COQ3: variants seen among roughly 807,000 people sequenced by gnomAD.
COQ3 encodes the protein ubiquinone biosynthesis O-methyltransferase, mitochondrial.
Under a neutral mutation model 33.1 loss-of-function variants are expected in COQ3, and 29 were observed. The ratio of observed to expected loss-of-function variants is 0.88; its 90% CI spans 0.65 to 1.19. The LOEUF (loss-of-function observed/expected upper bound fraction) is 1.19. Among genes scored for constraint, COQ3 ranks in the 50% most tolerant of loss-of-function variants. COQ3 has a pLI of 0.00. For missense variants in COQ3, 437 were observed against 430.7 expected (o/e 1.01, Z -0.13); for synonymous variants, 173 against 157.8 (o/e 1.10, Z -0.72).
rs1774557211 is a variant in COQ3 at position 99,384,351 on chromosome 6, T to C, written c.107-527A>G. Among the ~76,000 whole-genome samples, 6 of 152,354 alleles carry C rather than the reference T, an allele frequency of 3.9e-5. No individual in the cohort carries two copies. In the South Asian group the frequency reaches 1.2e-3, roughly 32 times the overall value. ...TCTAACCCAGACATTTCTAAAATTG[T>C]AATTAGCCAAAACAAGTAATGCATC... On this transcript the variant is annotated intron_variant, in intron 1 of 6. Transcript: ENST00000254759.
chr6:99,370,092 A>T (rs189368360), intron 6 of COQ3, among the ~76,000 whole-genome samples: 141 of 152,304 alleles, frequency 9.3e-4, no homozygotes, highest in African/African-American at 3.3e-3. Context: ...GGTACCTATT[A>T]CATGGTGACC....
chr6:99,388,826 T>C (rs1330375895), intron 1 of COQ3, among the ~76,000 whole-genome samples: 2 of 151,130 alleles, frequency 1.3e-5, no homozygotes, highest in African/African-American at 4.9e-5. Flanking sequence ...CCAGTATGGG[T>C]GACAAGAGCG....
intron 1 of COQ3, among the ~76,000 whole-genome samples, chr6:99,385,976 CAAAAA>C (rs61403627): frequency 1.0e-5 from 1 of 97,744 alleles, no homozygotes; most frequent in Non-Finnish European, 1.9e-5. Flanking sequence ...GACTCTGTCT[CAAAAA>C]AAAAAAAAAA....
Position 99,376,022 on chromosome 6 carries a change from A to G in COQ3, c.647T>C (p.Phe216Ser). ...AACTTCAGAAGCTACAACAGCATCA[A>G]ATGTTTCTGCAGTCTCTTCCACAAT... The part of the protein sequence containing the change: ...EEIVEETAET[F>S]DAVVASEVVE... Residue 216 changes from phenylalanine to serine, a missense_variant, in exon 5 of 7, where the codon TTT becomes TCT. Transcript: ENST00000254759. The G allele has an allele frequency of 1.2e-6, 2 of 1,614,098 alleles. No homozygotes were observed. The highest frequency in any genetic ancestry group is 1.7e-6 in the Non-Finnish European group (2 of 1,179,942).
chr6:99,391,725 C>A (rs35208690), intron 1 of COQ3, among the ~76,000 whole-genome samples: 19,866 of 152,216 alleles, frequency 0.13, 1,861 homozygotes, highest in Non-Finnish European at 0.18. Flanking sequence ...AGGCCAGACG[C>A]AGTGGCTCAA....
Position 99,383,682 on chromosome 6 carries a change from G to T in COQ3, c.233+16C>A. The T allele has an allele frequency of 6.4e-7, 1 of 1,551,294 alleles. No individual in the cohort carries two copies. Among genetic ancestry groups the T allele is most frequent in the Non-Finnish European group, 8.7e-7 (1 of 1,153,086 alleles). ...TATAATTACGTGAATATTTGCCACAGTAATAATAAACCCACCTGAAACTCT... is the reference window on the plus strand; with the variant it reads ...TATAATTACGTGAATATTTGCCACATTAATAATAAACCCACCTGAAACTCT... On this transcript the variant is annotated intron_variant, in intron 2 of 6. Transcript: ENST00000254759.
At chr6:99,391,026 A>G (rs1036429884) in intron 1 of COQ3, among the ~76,000 whole-genome samples, 2 of 152,070 alleles carry the variant, frequency 1.3e-5, no homozygotes, top group Non-Finnish European at 2.9e-5. Context: ...TCCCAAACCC[A>G]TTACAATGTT....
intron 1 of COQ3, among the ~76,000 whole-genome samples, chr6:99,392,851 G>T (rs1774869155): frequency 6.6e-6 from 1 of 152,108 alleles, no homozygotes; most frequent in Non-Finnish European, 1.5e-5. Context: ...TCGAACACTT[G>T]ACCTCAAGTG....
chr6:99,390,092 G>A (rs553826713), intron 1 of COQ3, among the ~76,000 whole-genome samples: 5 of 152,278 alleles, frequency 3.3e-5, no homozygotes, highest in East Asian at 1.9e-4. Flanking sequence ...CAGCCTGGGC[G>A]AAAGAGTGAG....
chr6:99,384,899 T>C (rs1315988623), intron 1 of COQ3, among the ~76,000 whole-genome samples: 1 of 152,110 alleles, frequency 6.6e-6, no homozygotes, highest in East Asian at 1.9e-4. Flanking sequence ...TCACCTGAGG[T>C]CATGAGTTCA....
intron 3 of COQ3, among the ~76,000 whole-genome samples, chr6:99,378,125 T>C (rs1562204428): frequency 1.8e-4 from 4 of 22,424 alleles, no homozygotes; most frequent in Non-Finnish European, 8.5e-4. Flanking sequence ...TATATATATA[T>C]ATATATATAT....
At chr6:99,371,354 G>A (rs1774137780) in intron 6 of COQ3, 74 bp downstream of exon 6, 2 of 956,336 alleles carry the variant, frequency 2.1e-6, no homozygotes, top group South Asian at 1.6e-5. Context: ...GCTAGGCTAA[G>A]TGCGTAATAA....
At chr6:99,383,952 G>A (rs1460189095) in intron 1 of COQ3, 128 bp from the exon 2 acceptor site, 1 of 650,442 alleles carries the variant, frequency 1.5e-6, no homozygotes. Flanking sequence ...CCAGGTTGGA[G>A]TGTAATGGCA....
chr6:99,376,646 T>G (rs892246464), intron 4 of COQ3, among the ~76,000 whole-genome samples: 2 of 152,190 alleles, frequency 1.3e-5, no homozygotes, highest in Non-Finnish European at 2.9e-5. Flanking sequence ...GCTTTTTTAT[T>G]TAGTCATTTC....
intron 1 of COQ3, among the ~76,000 whole-genome samples, chr6:99,385,916 G>T (rs1158648734): frequency 6.8e-6 from 1 of 146,822 alleles, no homozygotes; most frequent in Admixed American, 7.0e-5. Flanking sequence ...GATGGAGGTT[G>T]CAGTGAGCCA....
chr6:99,384,209 T>G (rs995547187), intron 1 of COQ3, among the ~76,000 whole-genome samples: 2 of 152,186 alleles, frequency 1.3e-5, no homozygotes, highest in African/African-American at 4.8e-5. Context: ...TTATTTTATA[T>G]GGTAATACTG....
intron 6 of COQ3, among the ~76,000 whole-genome samples, chr6:99,370,830 A>G (rs1774124037): frequency 6.6e-6 from 1 of 152,202 alleles, no homozygotes; most frequent in South Asian, 2.1e-4. Context: ...TGAACTGACA[A>G]GCACTATTAC....
intron 5 of COQ3, among the ~76,000 whole-genome samples, chr6:99,375,586 T>C (rs1774260167): frequency 6.6e-6 from 1 of 152,000 alleles, no homozygotes; most frequent in African/African-American, 2.4e-5. Flanking sequence ...GGTTTCACCA[T>C]GTTACCCAGG....
At chr6:99,388,506 C>CTTTTTT (rs11375800) in intron 1 of COQ3, among the ~76,000 whole-genome samples, 2 of 149,588 alleles carry the variant, frequency 1.3e-5, no homozygotes. Flanking sequence ...TCTCAATAGC[C>CTTTTTT]TTTTTTTTTT....
Sources: gnomAD v4.1 joint callset for allele counts (sites outside exome capture counted in the v4.1 genomes callset) on GRCh38, gnomAD v4.1.1 for gene constraint, MANE v1.5 for transcripts, NCBI Gene and HGNC (gene_info 2026-07-23, HGNC 2026-07-21) for gene names.